Variants in GMDS observed in about 807,000 individuals in gnomAD.
GMDS encodes GDP-mannose 4,6-dehydratase, also known as GDP-mannose 4,6 dehydratase.
GMDS carries 20 observed loss-of-function variants against 49.9 expected under a neutral mutation model. The observed-to-expected ratio is 0.40, with a 90% CI of 0.28 to 0.58. The LOEUF is 0.58. GMDS is among the 20% of genes least tolerant of loss of function. GMDS has a pLI of 0.42. For missense variants in GMDS, 362 were observed against 481.4 expected, an observed-to-expected ratio of 0.75 and a Z score of 2.32; for synonymous variants, 177 against 178.6, an observed-to-expected ratio of 0.99 and a Z score of 0.07.
At chr6:1,813,327 TA>T (rs1394143267) in intron 7 of GMDS, among the ~76,000 whole-genome samples, 3 of 151,674 alleles carry the variant, frequency 2.0e-5, no homozygotes, top group Non-Finnish European at 4.4e-5. Context: ...GAATAAGAAT[TA>T]TTTTTTTCTA....
chr6:1,719,421 T>C (rs1766288482), intron 9 of GMDS, among the ~76,000 whole-genome samples: 1 of 152,176 alleles, frequency 6.6e-6, no homozygotes, highest in Non-Finnish European at 1.5e-5. Flanking sequence ...AGCAACTGTT[T>C]TCAAGTAAAG....
At chr6:2,079,088 G>A (rs1772522579) in intron 4 of GMDS, among the ~76,000 whole-genome samples, 2 of 123,862 alleles carry the variant, frequency 1.6e-5, no homozygotes, top group Non-Finnish European at 3.2e-5. Context: ...CATAAGTATA[G>A]CTACTCCTAC....
intron 7 of GMDS, among the ~76,000 whole-genome samples, chr6:1,787,495 A>G (rs1413679930): frequency 6.6e-6 from 1 of 152,234 alleles, no homozygotes; most frequent in Non-Finnish European, 1.5e-5. Flanking sequence ...CAGTAAGGGA[A>G]AAAACAGATC....
In GMDS at chr6:1,737,747, TACACATACAC is replaced by T. The variant is rs755035169; in HGVS notation, c.890+4711_890+4720del. The stretch of plus-strand genomic sequence containing the variant: ...CCACAAACACACACACACATACACA[TACACATACAC>T]ACACACCACACACACAGATACACAT... On this transcript the variant is annotated intron_variant, in intron 8 of 10. Coordinates refer to ENST00000380815, the MANE Select transcript of GMDS (RefSeq NM_001500.4). 3.5e-3 allele frequency among the ~76,000 whole-genome samples: 289 copies of T among 83,296 alleles called. 3 individuals carry two copies. The highest frequency in any genetic ancestry group is 5.4e-3 in the Non-Finnish European group (207 of 38,044). The allele number at this position is 83,296 out of a possible 152,430, so 54.6% of individuals were successfully genotyped here.
intron 7 of GMDS, among the ~76,000 whole-genome samples, chr6:1,902,128 A>C (rs1463270721): frequency 2.0e-5 from 3 of 152,244 alleles, no homozygotes; most frequent in Non-Finnish European, 4.4e-5. Flanking sequence ...AATTCTGCAC[A>C]TTGAGAATTA....
At chr6:1,932,853 C>T (rs1581383397) in intron 6 of GMDS, among the ~76,000 whole-genome samples, 1 of 152,132 alleles carries the variant, frequency 6.6e-6, no homozygotes, top group East Asian at 1.9e-4. Flanking sequence ...GTAATTTTAA[C>T]TATTATTTAG....
intron 7 of GMDS, among the ~76,000 whole-genome samples, chr6:1,830,062 G>A (rs1031220033): frequency 6.6e-6 from 1 of 152,106 alleles, no homozygotes; most frequent in African/African-American, 2.4e-5. Flanking sequence ...GTAGACACTA[G>A]TGGCTTTTTT....
At chr6:1,852,357 T>A (rs372819096) in intron 7 of GMDS, among the ~76,000 whole-genome samples, 1 of 152,238 alleles carries the variant, frequency 6.6e-6, no homozygotes, top group East Asian at 1.9e-4. Context: ...TTCAAAATCT[T>A]TCAAGGATAT....
chr6:1,695,642 T>C (rs1765311365), intron 9 of GMDS, among the ~76,000 whole-genome samples: 1 of 152,162 alleles, frequency 6.6e-6, no homozygotes, highest in Non-Finnish European at 1.5e-5. Context: ...AGTCTGGAAG[T>C]AGCTCTTGGC....
chr6:1,998,875 G>GTT (rs3047746), intron 4 of GMDS, among the ~76,000 whole-genome samples: 3,945 of 151,728 alleles, frequency 0.026, 83 homozygotes, highest in Middle Eastern at 0.062. Context: ...AAGGAAAACT[G>GTT]TTTTTTTTAA....
chr6:1,652,400 ATATATATAT>A lies in GMDS; in HGVS notation c.988-27869_988-27861del, dbSNP rs1226744381. Among the ~76,000 whole-genome samples, 8 of 4,926 alleles carry A rather than the reference ATATATATAT, an allele frequency of 1.6e-3. 1 individual carries two copies. The highest frequency in any genetic ancestry group is 4.0e-3 in the African/African-American group (8 of 1,988). The allele number at this position is 4,926 out of a possible 152,430, so 3.2% of individuals were successfully genotyped here. ...AAAAAAATATATATATATTATATAT[ATATATATAT>A]TATATATAATATATATATAATATAT... is the stretch of plus-strand genomic sequence containing the variant. On this transcript the variant is annotated intron_variant, in intron 9 of 10. Coordinates refer to ENST00000380815, the MANE Select transcript of GMDS (RefSeq NM_001500.4).
At chr6:1,912,292 G>C (rs1339148064) in intron 7 of GMDS, among the ~76,000 whole-genome samples, 1 of 152,158 alleles carries the variant, frequency 6.6e-6, no homozygotes, top group African/African-American at 2.4e-5. Context: ...CTTGATCCCA[G>C]GAGGCAGAGG....
intron 4 of GMDS, among the ~76,000 whole-genome samples, chr6:1,968,790 C>T (rs955695546): frequency 2.6e-5 from 4 of 152,030 alleles, no homozygotes; most frequent in South Asian, 2.1e-4. Flanking sequence ...ATCTACTGAA[C>T]GCAAAAGCTG....
At chr6:1,925,718 G>A (rs1164856926) in intron 7 of GMDS, among the ~76,000 whole-genome samples, 1 of 152,136 alleles carries the variant, frequency 6.6e-6, no homozygotes, top group African/African-American at 2.4e-5. Flanking sequence ...TACGGAAGAG[G>A]GGCAGGGAAG....
At chr6:1,992,559 T>C (rs975712099) in intron 4 of GMDS, among the ~76,000 whole-genome samples, 1 of 152,230 alleles carries the variant, frequency 6.6e-6, no homozygotes, top group African/African-American at 2.4e-5. Flanking sequence ...GAAATCTGCA[T>C]GGCTACCACC....
intron 9 of GMDS, among the ~76,000 whole-genome samples, chr6:1,687,748 C>A (rs565640766): frequency 3.6e-4 from 55 of 152,040 alleles, no homozygotes; most frequent in African/African-American, 1.3e-3. Flanking sequence ...GTGTGGGGAG[C>A]AGTCCTGCCC....
At chr6:2,048,082 G>C (rs926400648) in intron 4 of GMDS, among the ~76,000 whole-genome samples, 15 of 152,170 alleles carry the variant, frequency 9.9e-5, no homozygotes, top group African/African-American at 3.6e-4. Context: ...TTATTCATGT[G>C]TACACATTCT....
chr6:1,978,814 C>T (rs1006918484), intron 4 of GMDS, among the ~76,000 whole-genome samples: 15 of 151,966 alleles, frequency 9.9e-5, no homozygotes, highest in Non-Finnish European at 1.6e-4. Context: ...GACTTCCAAC[C>T]AGGGTCTCCA....
intron 7 of GMDS, among the ~76,000 whole-genome samples, chr6:1,804,792 C>T (rs1211257481): frequency 1.3e-5 from 2 of 152,018 alleles, no homozygotes; most frequent in South Asian, 2.1e-4. Context: ...TAACATCATA[C>T]GCTCATTTTC....
Sources: allele counts gnomAD v4.1 joint callset (sites outside exome capture counted in the v4.1 genomes callset), GRCh38; gene constraint gnomAD v4.1.1; transcripts MANE v1.5; gene names NCBI Gene and HGNC (gene_info 2026-07-23, HGNC 2026-07-21).